Variants in PLCB1 observed in about 807,000 individuals in gnomAD.
The protein encoded by PLCB1 is 1-phosphatidylinositol 4,5-bisphosphate phosphodiesterase beta-1.
PLCB1 carries 46 observed loss-of-function variants against 161.8 expected under a neutral mutation model. The observed-to-expected ratio is 0.28, with a 90% confidence interval of 0.22 to 0.36. The LOEUF (loss-of-function observed/expected upper bound fraction) is 0.36. PLCB1 is among the 10% of genes least tolerant of loss of function. The pLI is 1.00. For synonymous variants in PLCB1, 517 were observed against 503.7 expected, an observed-to-expected ratio of 1.03 and a Z score of -0.35; for missense variants, 1,016 against 1,472.5, an observed-to-expected ratio of 0.69 and a Z score of 5.07.
chr20:8,662,584 T>C (rs150400041), intron 9 of PLCB1, among the ~76,000 whole-genome samples: 3,158 of 145,608 alleles, frequency 0.022, 114 homozygotes, highest in African/African-American at 0.074. Flanking sequence ...ATTAACATAA[T>C]ATCTAAATAT....
chr20:8,832,456 A>T (rs1434542779), intron 31 of PLCB1, among the ~76,000 whole-genome samples: 1 of 152,216 alleles, frequency 6.6e-6, no homozygotes, highest in African/African-American at 2.4e-5. Context: ...GGTTATAGAG[A>T]CTAGCATCAG....
At chr20:8,401,258 A>G (rs1211156858) in intron 3 of PLCB1, among the ~76,000 whole-genome samples, 1 of 152,216 alleles carries the variant, frequency 6.6e-6, no homozygotes, top group African/African-American at 2.4e-5. Flanking sequence ...ATTAAGAGCT[A>G]TCATATACTG....
chr20:8,250,312 A>G (rs1981071506), intron 2 of PLCB1, among the ~76,000 whole-genome samples: 1 of 151,936 alleles, frequency 6.6e-6, no homozygotes, highest in Non-Finnish European at 1.5e-5. Context: ...TTCAATTTTT[A>G]GTTAGTTAAT....
chr20:8,689,086 T>C (rs1351957001), intron 10 of PLCB1, among the ~76,000 whole-genome samples: 2 of 3,216 alleles, frequency 6.2e-4, no homozygotes, highest in Non-Finnish European at 1.3e-3. Context: ...TTCCTCAGTA[T>C]TTTTTTTTTT....
intron 31 of PLCB1, among the ~76,000 whole-genome samples, chr20:8,810,022 G>A (rs6056137): frequency 9.9e-5 from 15 of 152,254 alleles, no homozygotes; most frequent in African/African-American, 3.6e-4. Flanking sequence ...TCCTCTAAAA[G>A]TTTTATGTAG....
At chr20:8,687,230 G>A (rs989357370) in intron 10 of PLCB1, among the ~76,000 whole-genome samples, 2 of 152,036 alleles carry the variant, frequency 1.3e-5, no homozygotes, top group African/African-American at 4.8e-5. Flanking sequence ...TCACTATGTT[G>A]CCCAGGCTGG....
At chr20:8,194,013 G>T (rs1342423060) in intron 2 of PLCB1, among the ~76,000 whole-genome samples, 1 of 151,958 alleles carries the variant, frequency 6.6e-6, no homozygotes, top group Non-Finnish European at 1.5e-5. Context: ...GTGCTAAGAG[G>T]ACAGAGAAAG....
chr20:8,830,547 T>C (rs543164378), intron 31 of PLCB1, among the ~76,000 whole-genome samples: 5 of 152,276 alleles, frequency 3.3e-5, no homozygotes, highest in African/African-American at 1.2e-4. Context: ...TGAATACACA[T>C]TTGGTAGAAA....
intron 23 of PLCB1, among the ~76,000 whole-genome samples, chr20:8,755,098 G>T (rs1981674031): frequency 6.6e-6 from 1 of 152,164 alleles, no homozygotes; most frequent in Non-Finnish European, 1.5e-5. Flanking sequence ...CTGATGTCCA[G>T]CCACTGCTAC....
intron 9 of PLCB1, among the ~76,000 whole-genome samples, chr20:8,672,616 G>T (rs1467958789): frequency 6.6e-6 from 1 of 151,900 alleles, no homozygotes; most frequent in Non-Finnish European, 1.5e-5. Context: ...CCTCAGTGGG[G>T]GCCCTTCCAG....
At chr20:8,293,353 G>A (rs1983469038) in intron 2 of PLCB1, among the ~76,000 whole-genome samples, 1 of 152,082 alleles carries the variant, frequency 6.6e-6, no homozygotes, top group Non-Finnish European at 1.5e-5. Flanking sequence ...AGAATGACTG[G>A]TTCAGCTTAA....
chr20:8,658,515 G>A (rs1480833662), intron 8 of PLCB1, 23 bp from the exon 9 acceptor site: 2 of 1,549,196 alleles, frequency 1.3e-6, no homozygotes, highest in Non-Finnish European at 1.7e-6. Flanking sequence ...AATTCTTATT[G>A]CTTGGTTTTT....
chr20:8,718,222 A>G (rs1219708905), intron 14 of PLCB1, among the ~76,000 whole-genome samples: 2 of 152,134 alleles, frequency 1.3e-5, no homozygotes, highest in East Asian at 1.9e-4. Flanking sequence ...CCGTCTCAAA[A>G]AAAAAAGAAT....
At position 8,689,009 on chromosome 20, in the gene PLCB1, A is replaced by G. The variant is rs982582774; in HGVS notation, c.1009+3931A>G. Among the ~76,000 whole-genome samples, 5 of 151,832 alleles carry G rather than the reference A, an allele frequency of 3.3e-5. No homozygotes were observed. The East Asian group carries it at 5.8e-4, about 18-fold the overall frequency. On this transcript the variant is annotated intron_variant, in intron 10 of 31. Coordinates refer to ENST00000338037, the MANE Select transcript of PLCB1 (RefSeq NM_015192.4). ...ATGTGTTTTCATTTGTTTGTCATCT[A>G]TGATTTATTTCAGCAGTGTTTTGTA...
chr20:8,860,712 G>A lies in PLCB1; in HGVS notation c.3424-20910G>A, dbSNP rs553661421. Among the ~76,000 whole-genome samples the A allele has an allele frequency of 2.6e-5, 4 of 152,334 alleles. No homozygotes were observed. In the East Asian group the frequency reaches 7.7e-4, roughly 29 times the overall value. On this transcript the variant is annotated intron_variant, in intron 31 of 31. Transcript: ENST00000338037. ...AGATCTATTCCTCTTTGAGAAATTA[G>A]TATAATGTCAGTGCATTCTCATGTG...
intron 31 of PLCB1, among the ~76,000 whole-genome samples, chr20:8,844,714 C>T (rs1986627512): frequency 6.6e-6 from 1 of 152,134 alleles, no homozygotes; most frequent in African/African-American, 2.4e-5. Context: ...AGCTAATTTC[C>T]CTTACAAGTG....
rs1268688940 is a variant in PLCB1 at position 8,697,292 on chromosome 20, T to A, written c.1010-334T>A. Among the ~76,000 whole-genome samples, 6 of 152,250 alleles carry A rather than the reference T, an allele frequency of 3.9e-5. No individual in the cohort carries two copies. In the South Asian group the frequency reaches 6.2e-4, roughly 16 times the overall value. ...TTATTATGTGAAATGGGTATTTTTT[T>A]ATTAAATAGTTATGCCACAGAGATT... On this transcript the variant is annotated intron_variant, in intron 10 of 31. Transcript: ENST00000338037.
At chr20:8,319,583 G>T (rs1431680948) in intron 2 of PLCB1, among the ~76,000 whole-genome samples, 1 of 152,004 alleles carries the variant, frequency 6.6e-6, no homozygotes, top group Non-Finnish European at 1.5e-5. Context: ...GAAGGCAAAT[G>T]GTGTTGAGTA....
intron 3 of PLCB1, among the ~76,000 whole-genome samples, chr20:8,515,423 C>T (rs1984068333): frequency 6.6e-6 from 1 of 152,160 alleles, no homozygotes; most frequent in African/African-American, 2.4e-5. Flanking sequence ...TGAAGCTTTC[C>T]TCCTATCACA....
Sources: gnomAD v4.1 joint callset for allele counts (sites outside exome capture counted in the v4.1 genomes callset) on GRCh38, gnomAD v4.1.1 for gene constraint, MANE v1.5 for transcripts, NCBI Gene and HGNC (gene_info 2026-07-23, HGNC 2026-07-21) for gene names.